Variants in CHRNA7 observed in about 807,000 individuals in gnomAD.
CHRNA7 encodes the protein neuronal acetylcholine receptor subunit alpha-7.
A neutral mutation model predicts 48.0 loss-of-function variants in CHRNA7; 17 were observed. That is an observed-to-expected ratio of 0.35 (90% CI 0.24 to 0.53). CHRNA7 has a LOEUF of 0.53. Among genes scored for constraint, CHRNA7 ranks in the 20% least tolerant of loss-of-function variants. CHRNA7 has a pLI of 0.92. For synonymous variants in CHRNA7, 75 were observed against 242.3 expected, an observed-to-expected ratio of 0.31 and a Z score of 6.41; for missense variants, 155 against 577.7, an observed-to-expected ratio of 0.27 and a Z score of 7.50.
chr15:32,134,045 T>C (rs996277819), intron 4 of CHRNA7, among the ~76,000 whole-genome samples: 1 of 152,192 alleles, frequency 6.6e-6, no homozygotes, highest in Admixed American at 6.5e-5. Context: ...TGAGGCCAGG[T>C]GTGCAGGCAA....
chr15:32,062,816 A>T (rs190511356), intron 2 of CHRNA7, among the ~76,000 whole-genome samples: 3 of 152,282 alleles, frequency 2.0e-5, no homozygotes, highest in Admixed American at 2.0e-4. Flanking sequence ...TAGTCATTTG[A>T]TGATGAGGAT....
At chr15:32,132,259 T>C (rs1474570022) in intron 4 of CHRNA7, among the ~76,000 whole-genome samples, 1 of 152,158 alleles carries the variant, frequency 6.6e-6, no homozygotes, top group African/African-American at 2.4e-5. Context: ...CTTTGGTCTG[T>C]ACCTGTTGGG....
chr15:32,152,694 G>C (rs2051656011), intron 4 of CHRNA7, among the ~76,000 whole-genome samples: 1 of 152,180 alleles, frequency 6.6e-6, no homozygotes, highest in Non-Finnish European at 1.5e-5. Context: ...AGCAGGACTG[G>C]TGTCAACCCC....
chr15:32,063,953 T>C (rs2049921411), intron 2 of CHRNA7, among the ~76,000 whole-genome samples: 1 of 152,216 alleles, frequency 6.6e-6, no homozygotes, highest in African/African-American at 2.4e-5. Context: ...TGATGGATGG[T>C]GTCCTTTATT....
intron 2 of CHRNA7, among the ~76,000 whole-genome samples, chr15:32,070,966 C>A (rs1019751558): frequency 6.6e-6 from 1 of 152,048 alleles, no homozygotes; most frequent in African/African-American, 2.4e-5. Flanking sequence ...GGATTACAGG[C>A]ATGAGCCACC....
chr15:32,092,630 G>A (rs918369639), intron 2 of CHRNA7, among the ~76,000 whole-genome samples: 24 of 151,946 alleles, frequency 1.6e-4, no homozygotes, highest in Non-Finnish European at 3.2e-4. Flanking sequence ...TTCCTGATTC[G>A]TGGCCTGATT....
chr15:32,127,743 T>C (rs1223800655), intron 4 of CHRNA7, among the ~76,000 whole-genome samples: 3 of 152,090 alleles, frequency 2.0e-5, no homozygotes, highest in African/African-American at 7.2e-5. Flanking sequence ...GAAAATATAG[T>C]TTGTCTTTCT....
In CHRNA7 at chr15:32,045,731, A is replaced by G. The variant is rs193259004; in HGVS notation, c.195+14694A>G. Reference sequence around the variant, plus strand: ...TGTGCACAACGTGCAGGTTTGTTACATATGTATACATGTGCCATGCTGGTG... The same window carrying G: ...TGTGCACAACGTGCAGGTTTGTTACGTATGTATACATGTGCCATGCTGGTG... On this transcript the variant is annotated intron_variant, in intron 2 of 9. Transcript: ENST00000306901. 7.3e-4 allele frequency among the ~76,000 whole-genome samples: 110 copies of G among 151,364 alleles called. 1 individual carries two copies. The East Asian group carries it at 0.018, about 24-fold the overall frequency.
At chr15:32,113,405 G>A (rs192991153) in intron 4 of CHRNA7, among the ~76,000 whole-genome samples, 5 of 152,282 alleles carry the variant, frequency 3.3e-5, no homozygotes, top group Admixed American at 1.3e-4. Context: ...CCAGGTATTA[G>A]GATTTCAACA....
At chr15:32,079,716 C>G (rs988810595) in intron 2 of CHRNA7, among the ~76,000 whole-genome samples, 1 of 151,980 alleles carries the variant, frequency 6.6e-6, no homozygotes, top group Non-Finnish European at 1.5e-5. Context: ...AATGGCCATA[C>G]TGCCCAAAGT....
chr15:32,066,144 A>G (rs183656023), intron 2 of CHRNA7, among the ~76,000 whole-genome samples: 1 of 152,378 alleles, frequency 6.6e-6, no homozygotes, highest in East Asian at 1.9e-4. Context: ...CATATAACAA[A>G]GGAAAGACTT....
intron 4 of CHRNA7, among the ~76,000 whole-genome samples, chr15:32,147,228 C>A (rs1468791744): frequency 1.3e-5 from 2 of 152,144 alleles, no homozygotes; most frequent in African/African-American, 4.8e-5. Context: ...ATGGCAACAA[C>A]AGACACTGGA....
At chr15:32,126,878 A>G (rs995216674) in intron 4 of CHRNA7, among the ~76,000 whole-genome samples, 2 of 152,232 alleles carry the variant, frequency 1.3e-5, no homozygotes, top group Admixed American at 1.3e-4. Flanking sequence ...TAACATTGGT[A>G]TATTCCACAA....
At chr15:32,034,738 T>A (rs1053001244) in intron 2 of CHRNA7, among the ~76,000 whole-genome samples, 1 of 152,068 alleles carries the variant, frequency 6.6e-6, no homozygotes, top group African/African-American at 2.4e-5. Context: ...TAGATTGGAG[T>A]GAAAAAACTT....
Position 32,114,068 on chromosome 15 carries a change from A to G in CHRNA7, c.350+2169A>G, listed in dbSNP as rs1443158372. On this transcript the variant is annotated intron_variant, in intron 4 of 9. Transcript: ENST00000306901. Reference sequence around the variant, plus strand: ...TGTATATATATATATATACATATATATATATATACACATACATACATACAC... The same window carrying G: ...TGTATATATATATATATACATATATGTATATATACACATACATACATACAC... Among the ~76,000 whole-genome samples the G allele has an allele frequency of 2.1e-3, 278 of 134,898 alleles. 4 individuals carry two copies. Among genetic ancestry groups the G allele is most frequent in the African/African-American group, 6.6e-3 (239 of 36,126 alleles). 88.5% of individuals were successfully genotyped at this position (134,898 alleles called of 152,430 possible).
chr15:32,055,750 C>T (rs1457024216), intron 2 of CHRNA7, among the ~76,000 whole-genome samples: 5 of 152,166 alleles, frequency 3.3e-5, no homozygotes, highest in African/African-American at 1.2e-4. Flanking sequence ...GAGGCCGAGG[C>T]GGGCGGATCA....
At chr15:32,045,746 C>A (rs62002892) in intron 2 of CHRNA7, among the ~76,000 whole-genome samples, 1 of 151,342 alleles carries the variant, frequency 6.6e-6, no homozygotes, top group East Asian at 1.9e-4. Context: ...TATACATGTG[C>A]CATGCTGGTG....
chr15:32,142,271 A>C lies in CHRNA7; in HGVS notation c.351-11636A>C, dbSNP rs938921013. On this transcript the variant is annotated intron_variant, in intron 4 of 9. Coordinates refer to ENST00000306901, the MANE Select transcript of CHRNA7 (RefSeq NM_000746.6). ...AGCCTTGCATCCCAGGGATGAAGCC[A>C]ACTTGATCATGATGGATAAGCTTTT... Among the ~76,000 whole-genome samples the C allele has an allele frequency of 5.8e-4, 89 of 152,258 alleles. 1 individual carries two copies. The highest frequency in any genetic ancestry group is 2.0e-3 in the African/African-American group (85 of 41,566).
At chr15:32,142,148 G>A (rs549387595) in intron 4 of CHRNA7, among the ~76,000 whole-genome samples, 121 of 151,546 alleles carry the variant, frequency 8.0e-4, no homozygotes, top group African/African-American at 1.3e-3. Context: ...GAATTTTGTC[G>A]AAGGCCTTTT....
Sources: gnomAD v4.1 joint callset for allele counts (sites outside exome capture counted in the v4.1 genomes callset) on GRCh38, gnomAD v4.1.1 for gene constraint, MANE v1.5 for transcripts, NCBI Gene and HGNC (gene_info 2026-07-23, HGNC 2026-07-21) for gene names.